Variants in PAG1 observed in about 807,000 individuals in gnomAD.
PAG1 encodes phosphoprotein membrane anchor with glycosphingolipid microdomains 1, also known as phosphoprotein associated with glycosphingolipid-enriched microdomains 1.
PAG1 carries 23 observed loss-of-function variants against 31.7 expected under a neutral mutation model. The observed-to-expected ratio is 0.73, with a 90% confidence interval of 0.52 to 1.03. The LOEUF (loss-of-function observed/expected upper bound fraction) is 1.03. Ranked by LOEUF, PAG1 falls within the 50% of genes least tolerant of loss-of-function variation. The probability of loss-of-function intolerance (pLI) is 0.00; values close to 1 mark genes in which losing one functional copy is unlikely to be tolerated. For missense variants in PAG1, 473 were observed against 540.7 expected (o/e 0.87, Z 1.24); for synonymous variants, 214 against 210.3 (o/e 1.02, Z -0.15).
At position 80,990,173 on chromosome 8, in the gene PAG1, G is replaced by T. The variant is rs1807511694; in HGVS notation, c.177+1306C>A. 6.6e-6 allele frequency among the ~76,000 whole-genome samples: 1 copy of T among 152,042 alleles called. No individual in the cohort carries two copies. Among genetic ancestry groups the T allele is most frequent in the Non-Finnish European group, 1.5e-5 (1 of 68,004 alleles). Reference sequence around the variant, plus strand: ...CGAGAAACAGAGTAAAGGGAGGAGTGGTGATGAGGGCCCAGGAAAGCTGCG... The same window carrying T: ...CGAGAAACAGAGTAAAGGGAGGAGTTGTGATGAGGGCCCAGGAAAGCTGCG... On this transcript the variant is annotated intron_variant, in intron 5 of 8. Coordinates refer to ENST00000220597, the MANE Select transcript of PAG1 (RefSeq NM_018440.4). This position sits in a 1 kb window ranked among gnomAD's most constrained non-coding sequence, Gnocchi z 5.1.
chr8:81,069,032 G>T (rs931645473), intron 2 of PAG1, among the ~76,000 whole-genome samples: 5 of 152,128 alleles, frequency 3.3e-5, no homozygotes, highest in Non-Finnish European at 7.4e-5. Flanking sequence ...AGAGGAAGGC[G>T]TTTTTAGAAT....
intron 1 of PAG1, among the ~76,000 whole-genome samples, chr8:81,097,725 A>T: frequency 6.8e-6 from 1 of 146,880 alleles, no homozygotes; most frequent in Non-Finnish European, 1.5e-5. Context: ...AAAAAAAAAA[A>T]GAAGTAATAA....
chr8:81,099,432 A>G (rs1249246733), intron 1 of PAG1, among the ~76,000 whole-genome samples: 4 of 152,112 alleles, frequency 2.6e-5, no homozygotes, highest in Non-Finnish European at 4.4e-5. Flanking sequence ...ACTCTTACAC[A>G]TGTGCTTTAC....
chr8:80,977,076 C>T (rs1302820441), intron 8 of PAG1, among the ~76,000 whole-genome samples, 170 bp from the exon 9 acceptor site: 1 of 152,120 alleles, frequency 6.6e-6, no homozygotes, highest in African/African-American at 2.4e-5. Context: ...AGAATAATTA[C>T]ACACACTATC....
chr8:81,100,733 C>T (rs911762802), intron 1 of PAG1, among the ~76,000 whole-genome samples: 16 of 152,226 alleles, frequency 1.1e-4, no homozygotes, highest in African/African-American at 3.9e-4. Context: ...AATGATGATT[C>T]TCTGACCACA....
At chr8:81,065,706 C>T (rs1419940219) in intron 2 of PAG1, among the ~76,000 whole-genome samples, 1 of 151,894 alleles carries the variant, frequency 6.6e-6, no homozygotes, top group Non-Finnish European at 1.5e-5. Context: ...AAAGTCAGGG[C>T]ATATTTTCTT....
At chr8:81,029,345 G>GTCTCTC (rs71918703) in intron 3 of PAG1, among the ~76,000 whole-genome samples, 3 of 149,336 alleles carry the variant, frequency 2.0e-5, no homozygotes, top group Non-Finnish European at 4.4e-5. Flanking sequence ...TCCTTCTTTG[G>GTCTCTC]TCTCTCTCTC....
At chr8:81,018,058 T>C (rs988009099) in intron 3 of PAG1, among the ~76,000 whole-genome samples, 3 of 152,172 alleles carry the variant, frequency 2.0e-5, no homozygotes, top group Non-Finnish European at 4.4e-5. Flanking sequence ...ACTGGCTCAA[T>C]AGAAATTAAG....
chr8:81,072,866 T>C (rs973914979), intron 1 of PAG1, among the ~76,000 whole-genome samples: 29 of 152,196 alleles, frequency 1.9e-4, no homozygotes, highest in African/African-American at 6.8e-4. Context: ...AGGTCAGTTA[T>C]CTCATCCAAT....
intron 3 of PAG1, among the ~76,000 whole-genome samples, chr8:80,996,036 A>G (rs564699107): frequency 1.3e-5 from 2 of 152,376 alleles, no homozygotes; most frequent in South Asian, 4.1e-4. Flanking sequence ...CTTACTGTGG[A>G]CAAAATTCTC....
At chr8:81,030,512 T>A (rs899713712) in intron 2 of PAG1, among the ~76,000 whole-genome samples, 3 of 152,246 alleles carry the variant, frequency 2.0e-5, no homozygotes. Context: ...TTTATACTTT[T>A]TGGTAAGGTA....
chr8:81,103,138 C>A (rs1809634694), intron 1 of PAG1, among the ~76,000 whole-genome samples: 1 of 135,308 alleles, frequency 7.4e-6, no homozygotes, highest in African/African-American at 2.7e-5. Context: ...GAATGCAAAA[C>A]ATGTTCATTT....
At chr8:81,009,449 C>T (rs1563627876) in intron 3 of PAG1, among the ~76,000 whole-genome samples, 1 of 152,166 alleles carries the variant, frequency 6.6e-6, no homozygotes, top group Non-Finnish European at 1.5e-5. Flanking sequence ...TCCCATCAAA[C>T]TAACCTTAGG....
At chr8:81,072,215 C>G (rs1809105472) in intron 1 of PAG1, among the ~76,000 whole-genome samples, 1 of 152,198 alleles carries the variant, frequency 6.6e-6, no homozygotes, top group Non-Finnish European at 1.5e-5. Flanking sequence ...AATCCTGGCA[C>G]CTGATAGGTG....
intron 1 of PAG1, among the ~76,000 whole-genome samples, chr8:81,084,119 C>G (rs1200329332): frequency 6.6e-6 from 1 of 151,962 alleles, no homozygotes; most frequent in Non-Finnish European, 1.5e-5. Context: ...TTGTGTGTTG[C>G]TTGGGTTTTG....
chr8:81,062,979 A>C (rs1243663219), intron 2 of PAG1, among the ~76,000 whole-genome samples: 1 of 152,228 alleles, frequency 6.6e-6, no homozygotes, highest in African/African-American at 2.4e-5. Flanking sequence ...TTATTTTAAA[A>C]ATCCACTAAA....
intron 2 of PAG1, among the ~76,000 whole-genome samples, chr8:81,046,043 T>C (rs765617703): frequency 2.0e-5 from 3 of 152,220 alleles, no homozygotes; most frequent in Non-Finnish European, 4.4e-5. Context: ...TCATCAGGGA[T>C]ACTCTTAAGT....
In PAG1 at chr8:81,003,406, A is replaced by C. The variant is rs938099634; in HGVS notation, c.-80-10099T>G. On this transcript the variant is annotated intron_variant, in intron 3 of 8. Transcript: ENST00000220597. Reference sequence around the variant, plus strand: ...ATACAGCCGGATCCCTGGAGCTGGAACCTAGCCTTCAGTTTACTCAAAGAT... The same window carrying C: ...ATACAGCCGGATCCCTGGAGCTGGACCCTAGCCTTCAGTTTACTCAAAGAT... Among the ~76,000 whole-genome samples, 15 of 152,318 alleles carry C rather than the reference A, an allele frequency of 9.8e-5. No homozygotes were observed. In the South Asian group the frequency reaches 1.7e-3, roughly 17 times the overall value.
intron 2 of PAG1, among the ~76,000 whole-genome samples, chr8:81,045,871 T>C (rs563222397): frequency 1.3e-5 from 2 of 152,358 alleles, no homozygotes; most frequent in South Asian, 2.1e-4. Context: ...GTAATGTTTA[T>C]AGTATCTGAA....
Sources: allele counts gnomAD v4.1 joint callset (sites outside exome capture counted in the v4.1 genomes callset), GRCh38; gene constraint gnomAD v4.1.1; non-coding constraint Gnocchi (gnomAD v3.1); transcripts MANE v1.5; gene names NCBI Gene and HGNC (gene_info 2026-07-23, HGNC 2026-07-21).